The following FBXW10 variants were observed in gnomAD, a reference collection of about 807,000 sequenced individuals.
The protein encoded by FBXW10 is F-box/WD repeat-containing protein 10.
FBXW10 carries 68 observed loss-of-function variants against 113.1 expected under a neutral mutation model. That is an observed-to-expected ratio of 0.60 (90% CI 0.49 to 0.74). The LOEUF is 0.74. Among genes scored for constraint, FBXW10 ranks in the 30% least tolerant of loss-of-function variants. The probability of loss-of-function intolerance (pLI) is 0.00; values close to 1 mark genes in which losing one functional copy is unlikely to be tolerated. For synonymous variants in FBXW10, 289 were observed against 481.6 expected, an observed-to-expected ratio of 0.60 and a Z score of 5.24; for missense variants, 753 against 1,284.5, an observed-to-expected ratio of 0.59 and a Z score of 6.32.
Position 18,748,035 on chromosome 17 carries a change from T to C in FBXW10, c.600T>C (p.Thr200=). 1 of 1,613,812 alleles carries C rather than the reference T, an allele frequency of 6.2e-7. No individual in the cohort carries two copies. Among genetic ancestry groups the C allele is most frequent in the South Asian group, 1.1e-5 (1 of 91,070 alleles). ...CACAAGTCTATTGGACAGCCAAAAC[T>C]CAGCACACATCCCTTCCTTTGTCCA... The part of the protein sequence containing the change: ...ATSQVYWTAK[T]QHTSLPLSKA... The change falls in exon 2 of 14, where the codon ACT becomes ACC. Residue 200 remains threonine, a synonymous_variant. Coordinates refer to ENST00000395665, the MANE Select transcript of FBXW10 (RefSeq NM_001267585.2).
intron 12 of FBXW10, among the ~76,000 whole-genome samples, chr17:18,773,685 C>T (rs1047378787): frequency 9.2e-5 from 14 of 152,152 alleles, no homozygotes; most frequent in Non-Finnish European, 1.9e-4. Context: ...TATCACACTA[C>T]AAATAGTCAG....
intron 8 of FBXW10, 105 bp from the exon 9 acceptor site, chr17:18,766,609 T>G: frequency 7.1e-7 from 1 of 1,407,122 alleles, no homozygotes; most frequent in East Asian, 2.4e-5. Flanking sequence ...TTGATGGGCT[T>G]GATGAGTCTT....
chr17:18,776,434 T>C (rs1325674810), intron 13 of FBXW10, among the ~76,000 whole-genome samples: 8 of 152,238 alleles, frequency 5.3e-5, no homozygotes, highest in Non-Finnish European at 1.0e-4. Flanking sequence ...TTGGCTAGTA[T>C]AGTAGTGTTT....
intron 7 of FBXW10, among the ~76,000 whole-genome samples, chr17:18,762,117 C>T (rs1434606093): frequency 4.0e-5 from 6 of 151,656 alleles, no homozygotes; most frequent in African/African-American, 1.5e-4. Flanking sequence ...CGCCCACCAC[C>T]ACGCCTGGCT....
At chr17:18,770,362 G>A (rs373519556) in intron 11 of FBXW10, among the ~76,000 whole-genome samples, 36 of 151,220 alleles carry the variant, frequency 2.4e-4, no homozygotes, top group African/African-American at 8.2e-4. Flanking sequence ...GGAGTGCAGT[G>A]ATGTGATCTC....
At chr17:18,770,945 T>C (rs943011017) in intron 11 of FBXW10, among the ~76,000 whole-genome samples, 15 of 152,050 alleles carry the variant, frequency 9.9e-5, no homozygotes, top group African/African-American at 3.1e-4. Context: ...CAAATAGAAC[T>C]AACCTGTAAA....
At chr17:18,760,934 C>T (rs1179870127) in intron 7 of FBXW10, among the ~76,000 whole-genome samples, 2 of 151,736 alleles carry the variant, frequency 1.3e-5, no homozygotes, top group Non-Finnish European at 2.9e-5. Flanking sequence ...CTTTTGCATT[C>T]AGTTTTTTAA....
Position 18,764,732 on chromosome 17 carries a change from A to T in FBXW10, c.1434-10A>T, listed in dbSNP as rs1306065790. On this transcript the variant is annotated splice_polypyrimidine_tract_variant and intron_variant, in intron 7 of 13. Coordinates refer to ENST00000395665, the MANE Select transcript of FBXW10 (RefSeq NM_001267585.2). ...GGAACTCTCACATTCTTTTGGCCTGATTCCTGCAGATACTGGGATCTGAAA... is the reference window on the plus strand; with the variant it reads ...GGAACTCTCACATTCTTTTGGCCTGTTTCCTGCAGATACTGGGATCTGAAA... 1 of 1,613,526 alleles carries T rather than the reference A, an allele frequency of 6.2e-7. No homozygotes were observed. Among genetic ancestry groups the T allele is most frequent in the Non-Finnish European group, 8.5e-7 (1 of 1,179,792 alleles).
chr17:18,756,760 A>G (rs1413048353), intron 6 of FBXW10, among the ~76,000 whole-genome samples: 1 of 152,210 alleles, frequency 6.6e-6, no homozygotes, highest in Non-Finnish European at 1.5e-5. Flanking sequence ...AGTTCCTTTA[A>G]TAAGCAACTT....
chr17:18,759,871 T>G lies in FBXW10; in HGVS notation c.1433+1366T>G, dbSNP rs188104376. Among the ~76,000 whole-genome samples, 114 of 152,314 alleles carry G rather than the reference T, an allele frequency of 7.5e-4. 1 individual carries two copies. In the East Asian group the frequency reaches 0.022, roughly 29 times the overall value. On this transcript the variant is annotated intron_variant, in intron 7 of 13. Transcript: ENST00000395665. ...ACCTCGTGATCCACCCGCCTCGGCCTCCTAAAGTACTGGGATTACAGGTGT... is the reference window on the plus strand; with the variant it reads ...ACCTCGTGATCCACCCGCCTCGGCCGCCTAAAGTACTGGGATTACAGGTGT...
At position 18,778,606 on chromosome 17, in the gene FBXW10, C is replaced by A; in HGVS notation, c.2467C>A (p.Gln823Lys). Residue 823 changes from glutamine (Q) to lysine (K), a missense_variant, in exon 14 of 14, where the codon CAG (glutamine) becomes AAG (lysine). Gln to Lys is a moderately conservative substitution (Grantham distance 53, BLOSUM62 1). Transcript: ENST00000395665. ...DQFLLTVSAL[Q>K]HAHNSGEFAY... ...ATTCCTCCTGACTGTTAGCGCCCTG[C>A]AGCACGCCCATAATTCCGGGGAATT... The A allele has an allele frequency of 6.2e-7, 1 of 1,614,000 alleles. No homozygotes were observed. The highest frequency in any genetic ancestry group is 1.1e-5 in the South Asian group (1 of 91,080).
At chr17:18,765,433 C>T (rs183878223) in intron 8 of FBXW10, among the ~76,000 whole-genome samples, 2 of 152,356 alleles carry the variant, frequency 1.3e-5, no homozygotes, top group East Asian at 1.9e-4. Context: ...GTCCAAATCC[C>T]GGCTCTGCCA....
rs1257022834 is a variant in FBXW10 at position 18,764,815 on chromosome 17, T to C, written c.1507T>C (p.Leu503=). ...CCAGGGGACTATCACTTGCATGGAC[T>C]TGTGTAAGAACAGGCTCGTATCTGG... is the stretch of plus-strand genomic sequence containing the variant. ...GHQGTITCMD[L]CKNRLVSGGR... The change falls in exon 8 of 14, where the codon TTG becomes CTG. Residue 503 remains leucine (L), a synonymous_variant. Transcript: ENST00000395665. The C allele has an allele frequency of 1.5e-5, 24 of 1,613,842 alleles. No homozygotes were observed. In the Admixed American group the frequency reaches 3.0e-4, roughly 20 times the overall value.
intron 5 of FBXW10, among the ~76,000 whole-genome samples, chr17:18,751,311 C>T (rs1282984107): frequency 1.6e-4 from 25 of 151,650 alleles, no homozygotes; most frequent in African/African-American, 2.7e-4. Flanking sequence ...CTGCAAGCTC[C>T]GCCTCCCGGG....
intron 13 of FBXW10, among the ~76,000 whole-genome samples, chr17:18,777,134 T>C (rs2151835781): frequency 6.7e-6 from 1 of 150,326 alleles, no homozygotes; most frequent in African/African-American, 2.4e-5. Context: ...TGATCTCGGC[T>C]CACCGCAACC....
chr17:18,744,836 A>G (rs781060223), intron 1 of FBXW10, 87 bp downstream of exon 1: 224 of 1,554,752 alleles, frequency 1.4e-4, no homozygotes, highest in East Asian at 4.6e-5. Flanking sequence ...GCAGTTGTAG[A>G]CAACATAGGT....
chr17:18,757,731 T>C (rs1408862692), intron 6 of FBXW10, among the ~76,000 whole-genome samples: 2 of 152,266 alleles, frequency 1.3e-5, no homozygotes, highest in Admixed American at 6.5e-5. Flanking sequence ...GTTCATACTT[T>C]ACCTATTTGC....
intron 8 of FBXW10, among the ~76,000 whole-genome samples, chr17:18,765,848 T>A (rs902375165): frequency 7.2e-5 from 11 of 151,898 alleles, no homozygotes; most frequent in African/African-American, 2.2e-4. Context: ...TGCCTCAGCC[T>A]CCCGAGTAGC....
At position 18,766,741 on chromosome 17, in the gene FBXW10, T is replaced by C. The variant is rs776639243; in HGVS notation, c.1583T>C (p.Leu528Pro). ...TGGGATGTAGACACAGGGAAGTGCC[T>C]GAAGACGTTTAGACACAAAGACCCC... ...KVWDVDTGKC[L>P]KTFRHKDPIL... The change falls in exon 9 of 14, where the codon CTG (leucine) becomes CCG (proline). Residue 528 changes from leucine to proline, a missense_variant. Leu to Pro is a moderately conservative substitution (Grantham distance 98). Coordinates refer to ENST00000395665, the MANE Select transcript of FBXW10 (RefSeq NM_001267585.2). 2 of 1,613,774 alleles carry C rather than the reference T, an allele frequency of 1.2e-6. No homozygotes were observed. Among genetic ancestry groups the C allele is most frequent in the African/African-American group, 1.3e-5 (1 of 75,030 alleles).
Sources: gnomAD v4.1 joint callset for allele counts (sites outside exome capture counted in the v4.1 genomes callset) on GRCh38, gnomAD v4.1.1 for gene constraint, MANE v1.5 for transcripts, NCBI Gene and HGNC (gene_info 2026-07-23, HGNC 2026-07-21) for gene names.